Variants in GIGYF2 observed in about 807,000 individuals in gnomAD.
The protein encoded by GIGYF2 is GRB10 interacting GYF protein 2.
In GIGYF2, 25 loss-of-function variants were observed where a neutral mutation model predicts 208.1. The ratio of observed to expected loss-of-function variants is 0.12; its 90% CI spans 0.09 to 0.17. GIGYF2 has a LOEUF of 0.17. Ranked by LOEUF, GIGYF2 falls within the 10% of genes least tolerant of loss-of-function variation. GIGYF2 has a pLI of 1.00. For synonymous variants in GIGYF2, 534 were observed against 543.8 expected (o/e 0.98, Z 0.25); for missense variants, 1,302 against 1,579.4 (o/e 0.82, Z 2.98).
intron 8 of GIGYF2, among the ~76,000 whole-genome samples, chr2:232,783,734 T>G (rs1699801446): frequency 6.6e-6 from 1 of 152,234 alleles, no homozygotes; most frequent in South Asian, 2.1e-4. Flanking sequence ...TTGTCCAGGC[T>G]GGAGTGCAAT....
chr2:232,768,015 TTA>T lies in GIGYF2; in HGVS notation c.532+6581_532+6582del, dbSNP rs1448402303. 6.3e-6 allele frequency: 4 copies of T among 633,016 alleles called. No individual in the cohort carries two copies. In the East Asian group the frequency reaches 8.3e-5, roughly 13 times the overall value. The allele number at this position is 633,016 out of a possible 1,614,324, so 39.2% of individuals were successfully genotyped here. A position where few individuals can be genotyped will look rare whatever the true frequency, so the allele number is the denominator to read the frequency against. On this transcript the variant is annotated intron_variant, in intron 8 of 28. Coordinates refer to ENST00000373563, the MANE Select transcript of GIGYF2 (RefSeq NM_001103146.3). Reference sequence around the variant, plus strand: ...GTAACAAACTTTGTAATGTAGAGTGTTATGTTTCCAGAATGTGTATTGTTAGC... The same window carrying T: ...GTAACAAACTTTGTAATGTAGAGTGTTGTTTCCAGAATGTGTATTGTTAGC...
At position 232,726,323 on chromosome 2, in the gene GIGYF2, C is replaced by G. The variant is rs993088346; in HGVS notation, c.-43-8832C>G. Among the ~76,000 whole-genome samples, 6 of 149,054 alleles carry G rather than the reference C, an allele frequency of 4.0e-5. No homozygotes were observed. The East Asian group carries it at 1.2e-3, about 29-fold the overall frequency. ...GGCGGAGGTTGCAGTGAGCCGCTGT[C>G]GCACCACTGCACTCCAGCCCCAGTG... On this transcript the variant is annotated intron_variant, in intron 2 of 28. Coordinates refer to ENST00000373563, the MANE Select transcript of GIGYF2 (RefSeq NM_001103146.3).
At chr2:232,739,445 T>C (rs1697885349) in intron 3 of GIGYF2, among the ~76,000 whole-genome samples, 1 of 141,804 alleles carries the variant, frequency 7.1e-6, no homozygotes. Flanking sequence ...GGCAGAGGCA[T>C]GAGGATCACT....
chr2:232,773,927 A>G (rs960325072), intron 8 of GIGYF2, among the ~76,000 whole-genome samples: 2 of 150,692 alleles, frequency 1.3e-5, no homozygotes, highest in African/African-American at 4.9e-5. Flanking sequence ...AAAAAAAAAA[A>G]AAAAAAGGTG....
At chr2:232,815,319 G>T (rs1014147052) in intron 18 of GIGYF2, among the ~76,000 whole-genome samples, 8 of 152,202 alleles carry the variant, frequency 5.3e-5, no homozygotes, top group African/African-American at 1.9e-4. Context: ...TGTGCCCTTG[G>T]GAGTGTTAGA....
chr2:232,814,757 G>A (rs1700859904), intron 18 of GIGYF2, among the ~76,000 whole-genome samples: 2 of 152,034 alleles, frequency 1.3e-5, no homozygotes, highest in East Asian at 3.8e-4. Flanking sequence ...TCCACAACCT[G>A]TATTCTGTAG....
At chr2:232,725,808 G>A (rs1697173032) in intron 2 of GIGYF2, among the ~76,000 whole-genome samples, 1 of 152,152 alleles carries the variant, frequency 6.6e-6, no homozygotes, top group South Asian at 2.1e-4. Flanking sequence ...CTGGTTAGGG[G>A]TTACCAGATA....
intron 21 of GIGYF2, among the ~76,000 whole-genome samples, chr2:232,820,849 G>C (rs1701058631): frequency 6.6e-6 from 1 of 150,382 alleles, no homozygotes; most frequent in Admixed American, 6.6e-5. Context: ...TTTTTTTGGA[G>C]ATCAAGAGCC....
intron 22 of GIGYF2, 68 bp downstream of exon 22, chr2:232,833,161 T>C: frequency 3.3e-6 from 3 of 921,720 alleles, no homozygotes; most frequent in Non-Finnish European, 5.2e-6. Flanking sequence ...GTGCTGGCTG[T>C]ACCAGTAGCA....
intron 25 of GIGYF2, among the ~76,000 whole-genome samples, chr2:232,845,279 T>C (rs1701961672): frequency 1.3e-5 from 2 of 152,266 alleles, no homozygotes; most frequent in Admixed American, 1.3e-4. Context: ...TGTCAGATTG[T>C]TTCTTCTTGA....
intron 3 of GIGYF2, among the ~76,000 whole-genome samples, chr2:232,745,549 A>G (rs1437926092): frequency 6.6e-6 from 1 of 152,202 alleles, no homozygotes; most frequent in Non-Finnish European, 1.5e-5. Context: ...GGTGCAAGTG[A>G]ACCTAGTCGT....
chr2:232,771,970 A>G (rs1408071567), intron 8 of GIGYF2, among the ~76,000 whole-genome samples: 4 of 152,272 alleles, frequency 2.6e-5, no homozygotes, highest in Non-Finnish European at 2.9e-5. Context: ...TAATTAGCCT[A>G]TTCAGAGTTT....
At chr2:232,833,272 A>G (rs1251464513) in intron 22 of GIGYF2, 179 bp downstream of exon 22, 2 of 269,644 alleles carry the variant, frequency 7.4e-6, no homozygotes, top group Non-Finnish European at 1.3e-5. Context: ...GCTGGAGTGC[A>G]GTGGTGCGAT....
At chr2:232,748,853 C>T (rs375431918) in intron 4 of GIGYF2, 134 bp from the exon 5 acceptor site, 1 of 672,208 alleles carries the variant, frequency 1.5e-6, no homozygotes. Context: ...TCAATTATGG[C>T]TGAATAAGCA....
At chr2:232,724,207 ATTTT>A (rs1163865821) in intron 2 of GIGYF2, among the ~76,000 whole-genome samples, 6 of 114,196 alleles carry the variant, frequency 5.3e-5, no homozygotes, top group African/African-American at 2.1e-4. Flanking sequence ...ACACCTGGCT[ATTTT>A]TTTTTTTTTT....
chr2:232,703,024 C>A (rs529328328), intron 1 of GIGYF2, among the ~76,000 whole-genome samples: 1 of 152,074 alleles, frequency 6.6e-6, no homozygotes, highest in Non-Finnish European at 1.5e-5. Flanking sequence ...TGGGCTCAAT[C>A]GATCACCTTC....
intron 14 of GIGYF2, among the ~76,000 whole-genome samples, chr2:232,805,236 G>C (rs1700523561): frequency 6.6e-6 from 1 of 152,110 alleles, no homozygotes; most frequent in Non-Finnish European, 1.5e-5. Context: ...ACTTCTGTTG[G>C]TTGATGGTTT....
intron 17 of GIGYF2, 24 bp downstream of exon 17, chr2:232,811,375 T>C (rs757297231): frequency 8.3e-7 from 1 of 1,210,288 alleles, no homozygotes; most frequent in South Asian, 1.2e-5. Flanking sequence ...CCATTATGTG[T>C]CATATGGGGT....
intron 21 of GIGYF2, among the ~76,000 whole-genome samples, chr2:232,823,360 TTTC>T (rs1701153599): frequency 1.2e-5 from 1 of 85,894 alleles, no homozygotes. Flanking sequence ...TTTTCCTTTC[TTTC>T]TTTCTTTTTT....
Sources: allele counts gnomAD v4.1 joint callset (sites outside exome capture counted in the v4.1 genomes callset), GRCh38; gene constraint gnomAD v4.1.1; transcripts MANE v1.5; gene names NCBI Gene and HGNC (gene_info 2026-07-23, HGNC 2026-07-21).